TMEM163: variants seen among roughly 807,000 people sequenced by gnomAD.
TMEM163 encodes transmembrane protein 163.
Under a neutral mutation model 29.3 loss-of-function variants are expected in TMEM163, and 17 were observed. The ratio of observed to expected loss-of-function variants is 0.58; its 90% CI spans 0.40 to 0.87. The LOEUF is 0.87. Ranked by LOEUF, TMEM163 falls within the 40% of genes least tolerant of loss-of-function variation. The pLI is 0.00. For synonymous variants in TMEM163, 157 were observed against 160.6 expected, an observed-to-expected ratio of 0.98 and a Z score of 0.17; for missense variants, 303 against 381.5, an observed-to-expected ratio of 0.79 and a Z score of 1.71.
At chr2:134,644,025 C>T (rs1265938752) in intron 2 of TMEM163, among the ~76,000 whole-genome samples, 1 of 151,806 alleles carries the variant, frequency 6.6e-6, no homozygotes, top group Non-Finnish European at 1.5e-5. Context: ...TACAATAGTT[C>T]CAAAACATTA....
intron 2 of TMEM163, among the ~76,000 whole-genome samples, chr2:134,614,965 C>G (rs1008712421): frequency 1.3e-5 from 2 of 151,876 alleles, no homozygotes; most frequent in African/African-American, 4.8e-5. Flanking sequence ...AAAGGCATAC[C>G]TAGAATACGT....
intron 4 of TMEM163, among the ~76,000 whole-genome samples, chr2:134,505,995 G>A (rs958790503): frequency 1.3e-5 from 2 of 152,052 alleles, no homozygotes; most frequent in African/African-American, 2.4e-5. Flanking sequence ...AGTCTGAGGA[G>A]GCATCAACCA....
At chr2:134,495,375 A>G (rs1679527529) in intron 5 of TMEM163, among the ~76,000 whole-genome samples, 1 of 152,226 alleles carries the variant, frequency 6.6e-6, no homozygotes, top group African/African-American at 2.4e-5. Context: ...GGCACGCTGT[A>G]CTGTAGACAA....
chr2:134,606,988 C>T (rs1486254313), intron 2 of TMEM163, among the ~76,000 whole-genome samples: 7 of 141,958 alleles, frequency 4.9e-5, no homozygotes, highest in Non-Finnish European at 1.1e-4. Flanking sequence ...GGACAGACCC[C>T]GAGAACTGTG....
At chr2:134,542,951 C>T (rs1680707907) in intron 4 of TMEM163, among the ~76,000 whole-genome samples, 1 of 152,174 alleles carries the variant, frequency 6.6e-6, no homozygotes, top group Middle Eastern at 3.2e-3. Context: ...TCTCTGCTTT[C>T]TCTTCTTATA....
chr2:134,485,065 G>A (rs1156988924), intron 5 of TMEM163, among the ~76,000 whole-genome samples: 1 of 152,242 alleles, frequency 6.6e-6, no homozygotes, highest in Non-Finnish European at 1.5e-5. Flanking sequence ...AAGAGAACCA[G>A]TGAGAGATAC....
intron 2 of TMEM163, among the ~76,000 whole-genome samples, chr2:134,627,953 T>C (rs1682889238): frequency 1.3e-5 from 2 of 152,204 alleles, no homozygotes; most frequent in Admixed American, 6.5e-5. Flanking sequence ...GTATAATCTA[T>C]CTAATTACAA....
chr2:134,595,971 C>T (rs1432351839), intron 2 of TMEM163, among the ~76,000 whole-genome samples: 1 of 152,036 alleles, frequency 6.6e-6, no homozygotes, highest in Non-Finnish European at 1.5e-5. Context: ...TTGTTTTTTT[C>T]TTATAAATTT....
intron 2 of TMEM163, among the ~76,000 whole-genome samples, chr2:134,650,790 G>T (rs1420448546): frequency 7.6e-6 from 1 of 132,442 alleles, no homozygotes; most frequent in Non-Finnish European, 1.5e-5. Context: ...GAGAATATGC[G>T]GTGTTTGGTT....
chr2:134,590,018 C>T (rs972632820), intron 2 of TMEM163, among the ~76,000 whole-genome samples: 1 of 152,150 alleles, frequency 6.6e-6, no homozygotes, highest in African/African-American at 2.4e-5. Flanking sequence ...GCTATATGAT[C>T]TGAGTTTTAA....
In TMEM163 at chr2:134,493,487, C is replaced by T. The variant is rs760439613; in HGVS notation, c.555+9414G>A. 6.8e-5 allele frequency among the ~76,000 whole-genome samples: 10 copies of T among 148,136 alleles called. No individual in the cohort carries two copies. In the South Asian group the frequency reaches 2.2e-3, roughly 32 times the overall value. On this transcript the variant is annotated intron_variant, in intron 5 of 7. Coordinates refer to ENST00000281924, the MANE Select transcript of TMEM163 (RefSeq NM_030923.5). The stretch of plus-strand genomic sequence containing the variant: ...CTCTGGGGTTCAAGCAATTCTCCTA[C>T]CTCAGCCTCCCAAGTAGCTGAGATT...
At chr2:134,553,219 G>A (rs1317784541) in intron 2 of TMEM163, among the ~76,000 whole-genome samples, 1 of 152,178 alleles carries the variant, frequency 6.6e-6, no homozygotes, top group Non-Finnish European at 1.5e-5. Flanking sequence ...TAGAAGCGTG[G>A]GTGGGAGGCA....
At chr2:134,567,226 T>C (rs1437972118) in intron 2 of TMEM163, among the ~76,000 whole-genome samples, 1 of 152,202 alleles carries the variant, frequency 6.6e-6, no homozygotes, top group African/African-American at 2.4e-5. Context: ...ACATAGCCAC[T>C]GAGAATCAGT....
In TMEM163 at chr2:134,623,708, G is replaced by A. The variant is rs117760136; in HGVS notation, c.323-71617C>T. The stretch of plus-strand genomic sequence containing the variant: ...CTTGAACCCGGGAGGCAGAGGTTAC[G>A]GTGAGCCGAGATAGCGCCATTGCAC... On this transcript the variant is annotated intron_variant, in intron 2 of 7. Coordinates refer to ENST00000281924, the MANE Select transcript of TMEM163 (RefSeq NM_030923.5). 5.8e-3 allele frequency among the ~76,000 whole-genome samples: 885 copies of A among 152,150 alleles called. 19 individuals are homozygous for A. In the East Asian group the frequency reaches 0.077, roughly 13 times the overall value.
intron 2 of TMEM163, among the ~76,000 whole-genome samples, chr2:134,566,570 A>C (rs1311874005): frequency 1.3e-5 from 2 of 152,150 alleles, no homozygotes; most frequent in African/African-American, 4.8e-5. Context: ...CTCAAAAAAA[A>C]AATTTTTTTT....
chr2:134,574,284 G>A (rs190787156), intron 2 of TMEM163, among the ~76,000 whole-genome samples: 49 of 152,364 alleles, frequency 3.2e-4, no homozygotes, highest in African/African-American at 1.1e-3. Flanking sequence ...ACACAGCCAT[G>A]TACAATGGCT....
intron 2 of TMEM163, among the ~76,000 whole-genome samples, chr2:134,711,521 G>T (rs560857918): frequency 1.3e-5 from 2 of 152,264 alleles, no homozygotes; most frequent in Admixed American, 1.3e-4. Flanking sequence ...TTAAATACTT[G>T]CTGCAATGAA....
intron 5 of TMEM163, among the ~76,000 whole-genome samples, chr2:134,496,085 G>C (rs1464957144): frequency 6.7e-6 from 1 of 148,272 alleles, no homozygotes; most frequent in Admixed American, 6.7e-5. Flanking sequence ...TTTTTGAGAC[G>C]GAGTCTCGCT....
At chr2:134,490,225 C>G (rs1679400710) in intron 5 of TMEM163, among the ~76,000 whole-genome samples, 1 of 152,104 alleles carries the variant, frequency 6.6e-6, no homozygotes, top group African/African-American at 2.4e-5. Context: ...GGGTCGGGGG[C>G]AGGGTTAGCT....
Sources: allele counts gnomAD v4.1 joint callset (sites outside exome capture counted in the v4.1 genomes callset), GRCh38; gene constraint gnomAD v4.1.1; transcripts MANE v1.5; gene names NCBI Gene and HGNC (gene_info 2026-07-23, HGNC 2026-07-21).